Variants in PDE8B observed in about 807,000 individuals in gnomAD.
PDE8B encodes phosphodiesterase 8B, also known as high affinity cAMP-specific and IBMX-insensitive 3',5'-cyclic phosphodiesterase 8B.
In PDE8B, 26 loss-of-function variants were observed where a neutral mutation model predicts 101.3. The ratio of observed to expected loss-of-function variants is 0.26; its 90% CI spans 0.19 to 0.36. The LOEUF is 0.36. PDE8B is among the 10% of genes least tolerant of loss of function. The pLI, the probability that PDE8B is intolerant of heterozygous loss-of-function variation, is 1.00. For synonymous variants in PDE8B, 424 were observed against 429.3 expected, an observed-to-expected ratio of 0.99 and a Z score of 0.15; for missense variants, 810 against 1,163.1, an observed-to-expected ratio of 0.70 and a Z score of 4.42.
At chr5:77,189,130 T>C in the PDE8B span, among the ~76,000 whole-genome samples, 1 of 152,230 alleles carries the variant, frequency 6.6e-6, no homozygotes, top group Admixed American at 6.5e-5. Context: ...GCTTGAAATC[T>C]GGAAGGCAAT....
Position 77,427,501 on chromosome 5 carries a change from CTA to C in PDE8B, c.*950_*951del, listed in dbSNP as rs1211136770. 6.6e-6 allele frequency: 1 copy of C among 151,922 alleles called. No homozygotes were observed. Among genetic ancestry groups the C allele is most frequent in the African/African-American group, 2.4e-5 (1 of 41,308 alleles). 9.4% of individuals were successfully genotyped at this position (151,922 alleles called of 1,614,324 possible). ...TGCAGTATGTTGTGCCATGCACCAT[CTA>C]TACGTAATATTTTGGGAGGGGATAG... On this transcript the variant is annotated 3_prime_UTR_variant, in exon 22 of 22. Coordinates refer to ENST00000264917, the MANE Select transcript of PDE8B (RefSeq NM_003719.5).
chr5:77,158,683 A>G, the PDE8B span, among the ~76,000 whole-genome samples: 5 of 152,122 alleles, frequency 3.3e-5, no homozygotes, highest in Non-Finnish European at 5.9e-5. Flanking sequence ...CTTTTCACAC[A>G]TGCACGTTCC....
intron 9 of PDE8B, 75 bp downstream of exon 9, chr5:77,351,228 C>A (rs1781067439): frequency 3.9e-6 from 4 of 1,033,602 alleles, no homozygotes; most frequent in South Asian, 2.6e-5. Context: ...GCTTGAAATG[C>A]CAGTATGAGC....
intron 6 of PDE8B, among the ~76,000 whole-genome samples, chr5:77,343,762 T>C (rs937559477): frequency 6.6e-6 from 1 of 152,168 alleles, no homozygotes; most frequent in African/African-American, 2.4e-5. Context: ...ATTTTTAAAC[T>C]TTTTCACTTT....
chr5:77,404,567 A>T (rs1793033561), intron 11 of PDE8B, among the ~76,000 whole-genome samples, 153 bp from the exon 12 acceptor site: 1 of 152,056 alleles, frequency 6.6e-6, no homozygotes, highest in African/African-American at 2.4e-5. Context: ...TCATGATTTG[A>T]AAAGAAAGTG....
intron 1 of PDE8B, among the ~76,000 whole-genome samples, chr5:77,265,031 A>C (rs896560091): frequency 6.6e-6 from 1 of 152,148 alleles, no homozygotes; most frequent in Non-Finnish European, 1.5e-5. Context: ...AATATTTGCC[A>C]TCTTATTCTG....
the PDE8B span, chr5:77,105,856 A>G: frequency 6.6e-6 from 1 of 152,140 alleles, no homozygotes; most frequent in Non-Finnish European, 1.5e-5. Context: ...TGGGTGTGAA[A>G]TGGTATCTTG....
chr5:77,337,121 A>G (rs1193234676), intron 5 of PDE8B, 106 bp from the exon 6 acceptor site: 3 of 708,288 alleles, frequency 4.2e-6, no homozygotes, highest in Non-Finnish European at 7.8e-6. Context: ...TAATTGTCTT[A>G]TATAACGGAG....
chr5:77,409,101 G>C lies in PDE8B; in HGVS notation c.1530+44G>C, dbSNP rs779211853. The C allele has an allele frequency of 1.0e-5, 16 of 1,541,834 alleles. No homozygotes were observed. In the South Asian group the frequency reaches 1.7e-4, roughly 16 times the overall value. On this transcript the variant is annotated intron_variant, in intron 14 of 21. Transcript: ENST00000264917. ...CCTGAAAAGCAAGAGAGGTATCCGG[G>C]GCCTCTAGAGTGCAGCTGATGTGGA... is the stretch of plus-strand genomic sequence containing the variant.
chr5:77,264,703 A>G (rs931844948), intron 1 of PDE8B, among the ~76,000 whole-genome samples: 1 of 152,154 alleles, frequency 6.6e-6, no homozygotes, highest in Admixed American at 6.5e-5. Context: ...GTGGGTAGAT[A>G]TTACTGTTTC....
At chr5:77,343,873 C>CTTTTTTTTTTTTTTTTTTTTTTTTT (rs34017471) in intron 6 of PDE8B, among the ~76,000 whole-genome samples, 1 of 126,508 alleles carries the variant, frequency 7.9e-6, no homozygotes, top group Non-Finnish European at 1.7e-5. Flanking sequence ...ATTTTTAAAT[C>CTTTTTTTTTTTTTTTTTTTTTTTTT]TTTTTTTTTT....
chr5:77,342,488 A>G (rs1447070216), intron 6 of PDE8B, among the ~76,000 whole-genome samples: 1 of 151,286 alleles, frequency 6.6e-6, no homozygotes, highest in Non-Finnish European at 1.5e-5. Context: ...TGCCTTTATG[A>G]GTGGAAAAAA....
intron 1 of PDE8B, among the ~76,000 whole-genome samples, chr5:77,224,700 A>G (rs146156678): frequency 3.9e-3 from 594 of 152,362 alleles, no homozygotes; most frequent in African/African-American, 0.014. Flanking sequence ...TTTTTTAATC[A>G]TCTTTCAAAT....
rs1414812015 is a variant in PDE8B, at chr5:77,428,089, ACTTG to A, written c.*1540_*1543del. The A allele has an allele frequency of 2.0e-5, 3 of 152,204 alleles. No individual in the cohort carries two copies. The highest frequency in any genetic ancestry group is 4.8e-5 in the African/African-American group (2 of 41,458). 9.4% of individuals were successfully genotyped at this position (152,204 alleles called of 1,614,324 possible). On this transcript the variant is annotated 3_prime_UTR_variant, in exon 22 of 22. Transcript: ENST00000264917. ...ATTATTTTTGTTAGATGATAAGAGA[ACTTG>A]CTTGGTCAGGACAGCAGCCAGCTTT...
In PDE8B at chr5:77,335,030, C is replaced by A. The variant is rs138381582; in HGVS notation, c.709-2197C>A. ...AACCTGCTAACTTTGTTTATCCCAA[C>A]ATTTTCTTTCCATTTTTTGCAAAAA... On this transcript the variant is annotated intron_variant, in intron 5 of 21. Coordinates refer to ENST00000264917, the MANE Select transcript of PDE8B (RefSeq NM_003719.5). Among the ~76,000 whole-genome samples, 389 of 152,298 alleles carry A rather than the reference C, an allele frequency of 2.6e-3. 1 individual carries two copies. Among genetic ancestry groups the A allele is most frequent in the African/African-American group, 8.9e-3 (369 of 41,564 alleles).
At chr5:77,234,750 C>T (rs1182623191) in intron 1 of PDE8B, among the ~76,000 whole-genome samples, 1 of 152,144 alleles carries the variant, frequency 6.6e-6, no homozygotes, top group African/African-American at 2.4e-5. Flanking sequence ...TAAATCCCTC[C>T]CAGGGTAAAT....
At chr5:77,319,356 C>T (rs1774518393) in intron 2 of PDE8B, among the ~76,000 whole-genome samples, 1 of 152,116 alleles carries the variant, frequency 6.6e-6, no homozygotes, top group African/African-American at 2.4e-5. Context: ...TAGCCAAAGA[C>T]TGGTTGGTTT....
intron 10 of PDE8B, among the ~76,000 whole-genome samples, chr5:77,355,532 G>A (rs1347800931): frequency 6.6e-6 from 1 of 152,156 alleles, no homozygotes; most frequent in African/African-American, 2.4e-5. Flanking sequence ...GGTGTGACGT[G>A]GTAAGCCAGG....
At chr5:77,165,418 G>C in the PDE8B span, 9 of 152,182 alleles carry the variant, frequency 5.9e-5, no homozygotes, top group African/African-American at 2.2e-4. Flanking sequence ...AGGAAAAGAA[G>C]AAAATGCTGA....
Sources: allele counts gnomAD v4.1 joint callset (sites outside exome capture counted in the v4.1 genomes callset), GRCh38; gene constraint gnomAD v4.1.1; transcripts MANE v1.5; gene names NCBI Gene and HGNC (gene_info 2026-07-23, HGNC 2026-07-21).